Variants in DLC1 observed in about 807,000 individuals in gnomAD.
DLC1 encodes DLC1 Rho GTPase activating protein.
Under a neutral mutation model 140.3 loss-of-function variants are expected in DLC1, and 54 were observed. The ratio of observed to expected loss-of-function variants is 0.38; its 90% CI spans 0.31 to 0.48. The LOEUF is 0.48. Among genes scored for constraint, DLC1 ranks in the 20% least tolerant of loss-of-function variants. The pLI, the probability that DLC1 is intolerant of heterozygous loss-of-function variation, is 0.96. For missense variants in DLC1, 2,536 were observed against 1,907.0 expected (o/e 1.33, Z -6.14); for synonymous variants, 986 against 728.1 (o/e 1.35, Z -5.70).
At chr8:13,431,732 G>A (rs1027001967) in intron 2 of DLC1, among the ~76,000 whole-genome samples, 3 of 151,976 alleles carry the variant, frequency 2.0e-5, no homozygotes, top group Non-Finnish European at 4.4e-5. Context: ...GGGTTAGAAC[G>A]GGTGATATGC....
intron 5 of DLC1, among the ~76,000 whole-genome samples, chr8:13,200,266 G>A (rs986429341): frequency 6.6e-6 from 1 of 151,746 alleles, no homozygotes; most frequent in African/African-American, 2.4e-5. Context: ...GTTTCACTAT[G>A]TTGGCCAGGC....
intron 5 of DLC1, among the ~76,000 whole-genome samples, chr8:13,270,526 G>A (rs940426165): frequency 2.0e-5 from 3 of 152,100 alleles, no homozygotes; most frequent in African/African-American, 7.2e-5. Flanking sequence ...ACGTGCTTAG[G>A]AAAACTTTCA....
chr8:13,566,933 T>C lies in DLC1; in HGVS notation c.-126+37604A>G, dbSNP rs1348536597. ...CCCGGAGGGGTCAGCTCCTGACGGG[T>C]TCCTGAGCCAGTCTTAACCTGGGCA... On this transcript the variant is annotated intron_variant, in intron 1 of 1. Transcript: ENST00000631382. 5 of 1,471,090 alleles carry C rather than the reference T, an allele frequency of 3.4e-6. No homozygotes were observed. In the African/African-American group the frequency reaches 5.7e-5, roughly 17 times the overall value. 91.1% of individuals were successfully genotyped at this position (1,471,090 alleles called of 1,614,324 possible).
intron 2 of DLC1, among the ~76,000 whole-genome samples, chr8:13,453,422 A>ATTTTTTTTTTTTTTTTTTTTTTTTT (rs1554523043): frequency 1.5e-4 from 5 of 32,568 alleles, no homozygotes; most frequent in African/African-American, 4.8e-4. Context: ...ATATATATAT[A>ATTTTTTTTTTTTTTTTTTTTTTTTT]TGTGTATATA....
chr8:13,362,671 G>C (rs980511322), intron 4 of DLC1, among the ~76,000 whole-genome samples: 6 of 152,018 alleles, frequency 3.9e-5, no homozygotes, highest in African/African-American at 1.5e-4. Context: ...GTGGAAGAGG[G>C]AAGGGGAACT....
intron 5 of DLC1, among the ~76,000 whole-genome samples, chr8:13,246,019 G>T (rs142770992): frequency 1.3e-5 from 2 of 152,156 alleles, no homozygotes; most frequent in Admixed American, 1.3e-4. Flanking sequence ...ATTTTAAAAT[G>T]CTTTAAACAA....
chr8:13,088,154 C>G lies in DLC1; in HGVS notation c.4292+333G>C, dbSNP rs1817719823. ...GCGGTACAGTGGCATGCTCACAGCT[C>G]ACTGCGGCCTCAAACTCCTGGCTCA... On this transcript the variant is annotated intron_variant, in intron 16 of 17. Coordinates refer to ENST00000276297, the MANE Select transcript of DLC1 (RefSeq NM_182643.3). Among the ~76,000 whole-genome samples, 2 of 152,198 alleles carry G rather than the reference C, an allele frequency of 1.3e-5. 1 individual carries two copies.
chr8:13,173,409 A>G (rs1447755885), intron 5 of DLC1, among the ~76,000 whole-genome samples: 11 of 112,010 alleles, frequency 9.8e-5, no homozygotes, highest in African/African-American at 2.9e-4. Context: ...GTCTTGCTCT[A>G]TCTCCAGGCT....
chr8:13,291,891 G>C (rs900944658), intron 5 of DLC1, among the ~76,000 whole-genome samples: 3 of 151,988 alleles, frequency 2.0e-5, no homozygotes, highest in African/African-American at 7.2e-5. Context: ...CGAAGCAAAG[G>C]TTTTCCAGAT....
At chr8:13,317,463 A>T (rs967159562) in intron 4 of DLC1, among the ~76,000 whole-genome samples, 1 of 152,248 alleles carries the variant, frequency 6.6e-6, no homozygotes, top group African/African-American at 2.4e-5. Context: ...TTTACAAAAC[A>T]TATCTTCAAA....
intron 5 of DLC1, among the ~76,000 whole-genome samples, chr8:13,234,041 C>A (rs1440316076): frequency 1.3e-5 from 2 of 152,088 alleles, no homozygotes; most frequent in Non-Finnish European, 2.9e-5. Flanking sequence ...TGCACAAGTC[C>A]ATTGAACTAT....
At chr8:13,238,387 C>A (rs1443415398) in intron 5 of DLC1, among the ~76,000 whole-genome samples, 1 of 152,054 alleles carries the variant, frequency 6.6e-6, no homozygotes, top group Admixed American at 6.6e-5. Context: ...GTGACGCACA[C>A]CTGTGGTCCC....
chr8:13,348,541 A>G (rs987017265), intron 4 of DLC1, among the ~76,000 whole-genome samples: 1 of 152,222 alleles, frequency 6.6e-6, no homozygotes, highest in Non-Finnish European at 1.5e-5. Flanking sequence ...GCTAGAGTCC[A>G]TAAGAAAGAT....
chr8:13,098,179 C>A (rs1211030005), intron 10 of DLC1, among the ~76,000 whole-genome samples: 1 of 151,852 alleles, frequency 6.6e-6, no homozygotes, highest in South Asian at 2.1e-4. Context: ...GAGCCGAGAT[C>A]GCACCACTGC....
In DLC1 at chr8:13,344,210, C is replaced by T. The variant is rs372204302; in HGVS notation, c.1315-38908G>A. ...TTCCTACCTTTAAAATACTTTCAAT[C>T]AGCCTGGCCGTGGTGGTTCATACCT... On this transcript the variant is annotated intron_variant, in intron 4 of 17. Transcript: ENST00000276297. Among the ~76,000 whole-genome samples the T allele has an allele frequency of 1.1e-4, 17 of 152,288 alleles. No individual in the cohort carries two copies. The East Asian group carries it at 2.3e-3, about 21-fold the overall frequency.
intron 5 of DLC1, among the ~76,000 whole-genome samples, chr8:13,142,557 C>T (rs780001365): frequency 1.3e-5 from 2 of 151,962 alleles, no homozygotes; most frequent in African/African-American, 4.8e-5. Flanking sequence ...CATCATAACA[C>T]TATGATATAA....
chr8:13,114,190 C>A (rs191245853), intron 6 of DLC1, among the ~76,000 whole-genome samples: 24 of 152,070 alleles, frequency 1.6e-4, no homozygotes. Flanking sequence ...GGTAAAACCC[C>A]GGCTCTACTA....
intron 4 of DLC1, among the ~76,000 whole-genome samples, chr8:13,348,515 C>T (rs917996198): frequency 6.6e-6 from 1 of 152,072 alleles, no homozygotes; most frequent in African/African-American, 2.4e-5. Flanking sequence ...GAAAGGATAC[C>T]AGTTAGAAGG....
At chr8:13,230,189 A>G (rs909714145) in intron 5 of DLC1, among the ~76,000 whole-genome samples, 7 of 152,242 alleles carry the variant, frequency 4.6e-5, no homozygotes, top group African/African-American at 1.4e-4. Flanking sequence ...ACTAGCCAAT[A>G]AACCATTTCT....
Sources: allele counts gnomAD v4.1 joint callset (sites outside exome capture counted in the v4.1 genomes callset), GRCh38; gene constraint gnomAD v4.1.1; transcripts MANE v1.5; gene names NCBI Gene and HGNC (gene_info 2026-07-23, HGNC 2026-07-21).